NAA11: variants seen among roughly 807,000 people sequenced by gnomAD.
NAA11 encodes N-alpha-acetyltransferase 11.
NAA11 carries 15 observed loss-of-function variants against 16.1 expected under a neutral mutation model. The observed-to-expected ratio is 0.93, with a 90% CI of 0.62 to 1.44. NAA11 has a LOEUF of 1.44. Ranked by LOEUF, NAA11 falls within the 40% of genes most tolerant of loss-of-function variation. The pLI is 0.00. For missense variants in NAA11, 298 were observed against 291.3 expected (o/e 1.02, Z -0.17); for synonymous variants, 122 against 112.4 (o/e 1.09, Z -0.54).
intron 1 of NAA11, 112 bp from the exon 2 acceptor site, chr4:79,317,903 C>G (rs1723973920): frequency 6.6e-6 from 1 of 152,088 alleles, no homozygotes; most frequent in South Asian, 2.1e-4. Context: ...ATAAAGAAAC[C>G]CAGTAACTAG....
chr4:79,167,345 T>C, the NAA11 span, among the ~76,000 whole-genome samples: 16,991 of 144,272 alleles, frequency 0.12, 1,237 homozygotes, highest in African/African-American at 0.17. Context: ...TCAGGACTTA[T>C]GTTTTGGGAA....
At chr4:79,321,200 T>G (rs868492995) in intron 1 of NAA11, among the ~76,000 whole-genome samples, 18 of 152,322 alleles carry the variant, frequency 1.2e-4, no homozygotes, top group African/African-American at 4.3e-4. Flanking sequence ...TGAGAGCAGC[T>G]GTATGATCCC....
chr4:79,168,484 C>T, the NAA11 span, among the ~76,000 whole-genome samples: 1 of 152,220 alleles, frequency 6.6e-6, no homozygotes, highest in African/African-American at 2.4e-5. Flanking sequence ...TACACTCCCA[C>T]TAACACTGTA....
chr4:79,264,601 C>T (rs1234532607), intron 2 of NAA11, among the ~76,000 whole-genome samples: 5 of 152,202 alleles, frequency 3.3e-5, no homozygotes, highest in East Asian at 3.9e-4. Context: ...GATCTTCACA[C>T]GGCCAGATCT....
intron 1 of NAA11, among the ~76,000 whole-genome samples, chr4:79,309,299 A>G (rs1191549917): frequency 8.9e-6 from 1 of 112,636 alleles, no homozygotes; most frequent in Admixed American, 8.8e-5. Context: ...CTAAAATAAT[A>G]CTTCAGCCAT....
At chr4:79,272,223 A>G (rs1270950260) in intron 2 of NAA11, among the ~76,000 whole-genome samples, 1 of 152,060 alleles carries the variant, frequency 6.6e-6, no homozygotes, top group African/African-American at 2.4e-5. Context: ...TTAGGTTTTA[A>G]AACTCATACT....
chr4:79,159,813 T>C, the NAA11 span, among the ~76,000 whole-genome samples: 4 of 152,180 alleles, frequency 2.6e-5, no homozygotes, highest in African/African-American at 7.2e-5. Flanking sequence ...ATGTGCCCTT[T>C]CGTGACTGAC....
chr4:79,261,964 C>A (rs1722251324), intron 2 of NAA11, among the ~76,000 whole-genome samples: 1 of 152,118 alleles, frequency 6.6e-6, no homozygotes, highest in South Asian at 2.1e-4. Flanking sequence ...CGATGATACC[C>A]ACTTGCTCTC....
At chr4:79,189,145 C>CAAAAAAAAAAAAAAAAAAAAAAAAAAAA in the NAA11 span, among the ~76,000 whole-genome samples, 4 of 42,296 alleles carry the variant, frequency 9.5e-5, 1 homozygote, top group Admixed American at 4.1e-4. Flanking sequence ...GACTCCATCT[C>CAAAAAAAAAAAAAAAAAAAAAAAAAAAA]AAAAAAAAAA....
chr4:79,254,649 T>TC (rs998035424), intron 2 of NAA11, among the ~76,000 whole-genome samples: 4 of 150,506 alleles, frequency 2.7e-5, no homozygotes, highest in African/African-American at 9.7e-5. Context: ...CCTTTTCTTT[T>TC]TTTTTTTTTT....
chr4:79,223,722 A>G (rs1721245742), downstream of NAA11, among the ~76,000 whole-genome samples: 1 of 151,456 alleles, frequency 6.6e-6, no homozygotes, highest in South Asian at 2.1e-4. Flanking sequence ...AGGTATAGCC[A>G]GAGTATTGTG....
intron 2 of NAA11, among the ~76,000 whole-genome samples, chr4:79,275,319 C>T (rs564678776): frequency 6.6e-6 from 1 of 152,060 alleles, no homozygotes; most frequent in Non-Finnish European, 1.5e-5. Context: ...CATGGTATAT[C>T]GTTTCATGAT....
At chr4:79,160,754 T>C in the NAA11 span, among the ~76,000 whole-genome samples, 37 of 152,348 alleles carry the variant, frequency 2.4e-4, no homozygotes, top group African/African-American at 8.2e-4. Context: ...AATAAGCCTG[T>C]TATCAGATAT....
At chr4:79,161,714 G>A in the NAA11 span, among the ~76,000 whole-genome samples, 7 of 148,506 alleles carry the variant, frequency 4.7e-5, no homozygotes, top group South Asian at 4.3e-4. Flanking sequence ...TTGCTCTGTC[G>A]CCCAGGCTGG....
the NAA11 span, among the ~76,000 whole-genome samples, chr4:79,191,875 G>T: frequency 6.6e-6 from 1 of 152,192 alleles, no homozygotes; most frequent in South Asian, 2.1e-4. Context: ...GTAAGAGGGG[G>T]GTCCAACTTC....
intron 2 of NAA11, among the ~76,000 whole-genome samples, chr4:79,278,446 A>T (rs1449389601): frequency 6.6e-6 from 1 of 152,082 alleles, no homozygotes; most frequent in Non-Finnish European, 1.5e-5. Flanking sequence ...CTACTTTGAA[A>T]ATTTTTCCCT....
At chr4:79,173,807 T>G in the NAA11 span, among the ~76,000 whole-genome samples, 2 of 152,122 alleles carry the variant, frequency 1.3e-5, no homozygotes, top group African/African-American at 4.8e-5. Context: ...TTCTTTTTAC[T>G]TGGAATGATA....
chr4:79,305,161 A>G (rs1723538017), intron 1 of NAA11: 3 of 152,138 alleles, frequency 2.0e-5, no homozygotes, highest in Admixed American at 2.0e-4. Flanking sequence ...TCTTTTCTGA[A>G]TCACCTCTGA....
the NAA11 span, among the ~76,000 whole-genome samples, chr4:79,193,839 T>C: frequency 6.6e-6 from 1 of 152,214 alleles, no homozygotes; most frequent in Admixed American, 6.5e-5. Context: ...TTCACGATAT[T>C]GATTCTTCCT....
Sources: allele counts gnomAD v4.1 joint callset (sites outside exome capture counted in the v4.1 genomes callset), GRCh38; gene constraint gnomAD v4.1.1; transcripts MANE v1.5; gene names NCBI Gene and HGNC (gene_info 2026-07-23, HGNC 2026-07-21).